DCDC2: variants seen among roughly 807,000 people sequenced by gnomAD.
DCDC2 encodes the protein doublecortin domain-containing protein 2.
A neutral mutation model predicts 50.2 loss-of-function variants in DCDC2; 40 were observed. That is an observed-to-expected ratio of 0.80 (90% confidence interval 0.62 to 1.04). The LOEUF (loss-of-function observed/expected upper bound fraction) is 1.04. Among genes scored for constraint, DCDC2 ranks in the 50% least tolerant of loss-of-function variants. The pLI is 0.00. For missense variants in DCDC2, 570 were observed against 581.9 expected (o/e 0.98, Z 0.21); for synonymous variants, 234 against 210.6 (o/e 1.11, Z -0.96).
chr6:24,216,084 T>C (rs1229977737), intron 7 of DCDC2, among the ~76,000 whole-genome samples: 1 of 152,180 alleles, frequency 6.6e-6, no homozygotes, highest in Non-Finnish European at 1.5e-5. Flanking sequence ...TTGGGCCTCC[T>C]GTTAAGCATA....
chr6:24,171,762 T>C lies in DCDC2; in HGVS notation c.*2968A>G, dbSNP rs1760784790. 6.6e-6 allele frequency: 1 copy of C among 152,232 alleles called. No homozygotes were observed. The highest frequency in any genetic ancestry group is 1.9e-4 in the East Asian group (1 of 5,200). 9.4% of individuals were successfully genotyped at this position (152,232 alleles called of 1,614,324 possible). A position where few individuals can be genotyped will look rare whatever the true frequency, so the allele number is the denominator to read the frequency against. On this transcript the variant is annotated 3_prime_UTR_variant, in exon 10 of 10. Transcript: ENST00000378454. ...ACACCCTTAGCCTCAAAATGACTTT[T>C]GTCAAAATCTTCTTTATTTGCTCTG...
chr6:24,379,585 G>C, the DCDC2 span, among the ~76,000 whole-genome samples: 3 of 152,210 alleles, frequency 2.0e-5, no homozygotes, highest in Non-Finnish European at 4.4e-5. Context: ...CTTTTACACT[G>C]TTGGTGGAAG....
At chr6:24,246,686 C>T (rs1040950834) in intron 7 of DCDC2, among the ~76,000 whole-genome samples, 1 of 151,784 alleles carries the variant, frequency 6.6e-6, no homozygotes, top group Non-Finnish European at 1.5e-5. Context: ...AGGGTTTCAC[C>T]ATGTTGGCCA....
chr6:24,261,364 G>C (rs1763005125), intron 7 of DCDC2, among the ~76,000 whole-genome samples: 1 of 152,028 alleles, frequency 6.6e-6, no homozygotes, highest in Non-Finnish European at 1.5e-5. Flanking sequence ...TTGGTGGACA[G>C]TTCTCATATG....
chr6:24,190,308 T>C (rs1761287460), intron 8 of DCDC2, among the ~76,000 whole-genome samples: 1 of 151,936 alleles, frequency 6.6e-6, no homozygotes, highest in Admixed American at 6.6e-5. Context: ...TAATCATCAA[T>C]AAAAAAAATT....
chr6:24,276,852 A>T (rs998301045), intron 7 of DCDC2, among the ~76,000 whole-genome samples: 14 of 151,168 alleles, frequency 9.3e-5, no homozygotes, highest in Admixed American at 9.2e-4. Context: ...GATAGATAAT[A>T]GAGCTAAAGA....
chr6:24,279,239 C>T (rs1394460944), intron 6 of DCDC2, among the ~76,000 whole-genome samples: 2 of 152,114 alleles, frequency 1.3e-5, no homozygotes, highest in Non-Finnish European at 2.9e-5. Flanking sequence ...CATGGTAGCT[C>T]CAGCCTGTAG....
intron 2 of DCDC2, among the ~76,000 whole-genome samples, chr6:24,309,247 C>T (rs543311465): frequency 5.6e-4 from 84 of 151,010 alleles, no homozygotes; most frequent in African/African-American, 2.0e-3. Context: ...ATCACTTGAA[C>T]TCAGGAGGCA....
chr6:24,208,363 CTTTT>C (rs34475687), intron 7 of DCDC2, among the ~76,000 whole-genome samples: 4 of 84,404 alleles, frequency 4.7e-5, no homozygotes, highest in Non-Finnish European at 6.3e-5. Flanking sequence ...CTCTGTGCTA[CTTTT>C]TTTTTTTTTT....
chr6:24,253,198 G>T (rs554798923), intron 7 of DCDC2, among the ~76,000 whole-genome samples: 1 of 151,830 alleles, frequency 6.6e-6, no homozygotes, highest in Non-Finnish European at 1.5e-5. Context: ...GAGATTAAAT[G>T]AAAAATAAAA....
At chr6:24,181,194 A>G (rs1761063642) in intron 8 of DCDC2, among the ~76,000 whole-genome samples, 1 of 152,254 alleles carries the variant, frequency 6.6e-6, no homozygotes, top group South Asian at 2.1e-4. Context: ...ACTCAGGTCC[A>G]GAGGGGAATG....
At chr6:24,378,954 T>TG in the DCDC2 span, among the ~76,000 whole-genome samples, 6 of 88,146 alleles carry the variant, frequency 6.8e-5, no homozygotes, top group African/African-American at 1.2e-4. Flanking sequence ...CTGTCTCATT[T>TG]GGAAAAAAAA....
intron 7 of DCDC2, among the ~76,000 whole-genome samples, chr6:24,214,156 G>A (rs1275279876): frequency 6.6e-6 from 1 of 152,044 alleles, no homozygotes; most frequent in African/African-American, 2.4e-5. Context: ...TGAAATATTT[G>A]GCTTCTTTCT....
chr6:24,366,455 A>G, the DCDC2 span, among the ~76,000 whole-genome samples: 932 of 152,354 alleles, frequency 6.1e-3, 13 homozygotes, highest in African/African-American at 0.02. Flanking sequence ...GAGATGAAGG[A>G]AAGTTGGGAA....
chr6:24,191,611 C>T (rs1761316070), intron 8 of DCDC2, among the ~76,000 whole-genome samples: 1 of 152,132 alleles, frequency 6.6e-6, no homozygotes, highest in South Asian at 2.1e-4. Context: ...AAGAAGATTC[C>T]CTCATAGAAA....
At chr6:24,308,374 A>T (rs1226103410) in intron 2 of DCDC2, among the ~76,000 whole-genome samples, 1 of 152,228 alleles carries the variant, frequency 6.6e-6, no homozygotes, top group African/African-American at 2.4e-5. Context: ...ACGGCAGCCC[A>T]GCCTGTTCCC....
the DCDC2 span, among the ~76,000 whole-genome samples, chr6:24,381,005 G>T: frequency 6.6e-6 from 1 of 151,444 alleles, no homozygotes; most frequent in African/African-American, 2.4e-5. Flanking sequence ...GATCACTTGA[G>T]TCCAAGGTTG....
intron 8 of DCDC2, among the ~76,000 whole-genome samples, chr6:24,185,205 AG>A: frequency 6.6e-6 from 1 of 152,084 alleles, no homozygotes; most frequent in Non-Finnish European, 1.5e-5. Context: ...ATTTCTTTCT[AG>A]GAAAGAAGAC....
chr6:24,371,067 G>A, the DCDC2 span, among the ~76,000 whole-genome samples: 1 of 152,026 alleles, frequency 6.6e-6, no homozygotes, highest in Non-Finnish European at 1.5e-5. Flanking sequence ...CCTGAGGTCA[G>A]GAGTTCAAGA....
Sources: allele counts gnomAD v4.1 joint callset (sites outside exome capture counted in the v4.1 genomes callset), GRCh38; gene constraint gnomAD v4.1.1; transcripts MANE v1.5; gene names NCBI Gene and HGNC (gene_info 2026-07-23, HGNC 2026-07-21).